ODAD1: variants seen among roughly 807,000 people sequenced by gnomAD.
The protein encoded by ODAD1 is outer dynein arm docking complex subunit 1.
A neutral mutation model predicts 67.2 loss-of-function variants in ODAD1; 49 were observed. The observed-to-expected ratio is 0.73, with a 90% CI of 0.58 to 0.92. The LOEUF is 0.92. Ranked by LOEUF, ODAD1 falls within the 40% of genes least tolerant of loss-of-function variation. The pLI, the probability that ODAD1 is intolerant of heterozygous loss-of-function variation, is 0.00. For synonymous variants in ODAD1, 345 were observed against 393.7 expected (o/e 0.88, Z 1.46); for missense variants, 897 against 953.7 (o/e 0.94, Z 0.78).
chr19:48,316,989 C>A lies in ODAD1; in HGVS notation c.360+1398G>T, dbSNP rs533251431. 2.2e-3 allele frequency among the ~76,000 whole-genome samples: 341 copies of A among 152,124 alleles called. 2 individuals carry two copies. Among genetic ancestry groups the A allele is most frequent in the South Asian group, 0.01 (49 of 4,822 alleles). On this transcript the variant is annotated intron_variant, in intron 5 of 15. Coordinates refer to ENST00000674294, the MANE Select transcript of ODAD1 (RefSeq NM_001364171.2). ...CTGCACTCCAGCCTGGGTGACAGAG[C>A]GAGACTTTGTCTTGAAAAGAAAAAG...
chr19:48,310,795 G>T (rs1053456974), intron 7 of ODAD1, among the ~76,000 whole-genome samples: 4 of 152,278 alleles, frequency 2.6e-5, no homozygotes, highest in African/African-American at 9.6e-5. Flanking sequence ...TGAAAGTCAA[G>T]ACCGGACGCA....
intron 10 of ODAD1, 136 bp from the exon 11 acceptor site, chr19:48,303,231 A>G (rs1161062977): frequency 2.8e-6 from 2 of 704,560 alleles, no homozygotes; most frequent in Non-Finnish European, 5.1e-6. Context: ...CAAGGCAGAG[A>G]GACGAACAGA....
chr19:48,313,448 C>CAAAA (rs1291428185), intron 5 of ODAD1, among the ~76,000 whole-genome samples: 1,397 of 86,748 alleles, frequency 0.016, 107 homozygotes, highest in African/African-American at 0.045. Context: ...AAAAAAAAAC[C>CAAAA]AAAAAAAAAC....
At chr19:48,317,203 A>G (rs930252400) in intron 5 of ODAD1, among the ~76,000 whole-genome samples, 23 of 149,806 alleles carry the variant, frequency 1.5e-4, no homozygotes, top group African/African-American at 5.3e-4. Context: ...ATCCCACATT[A>G]AAAAATGTAT....
In ODAD1 at chr19:48,304,079, T is replaced by G. The variant is rs761608877; in HGVS notation, c.727A>C (p.Ser243Arg). 1 of 1,614,090 alleles carries G rather than the reference T, an allele frequency of 6.2e-7. No homozygotes were observed. The highest frequency in any genetic ancestry group is 1.7e-5 in the Admixed American group (1 of 60,016). ...TGCAGGACCTGCGCCTCCATCTCGC[T>G]CTGGGCCTCCTCTTTCTCCGCGCGC... is the stretch of plus-strand genomic sequence containing the variant. ...RERAEKEEAQ[S>R]EMEAQVLQRQ... Residue 243 changes from serine to arginine, a missense_variant, in exon 9 of 16, where the codon AGC becomes CGC. Physicochemically the swap from Ser to Arg is moderately radical, Grantham distance 110. Coordinates refer to ENST00000674294, the MANE Select transcript of ODAD1 (RefSeq NM_001364171.2).
chr19:48,307,920 G>A (rs903492198), intron 7 of ODAD1, among the ~76,000 whole-genome samples: 1 of 152,006 alleles, frequency 6.6e-6, no homozygotes, highest in African/African-American at 2.4e-5. Flanking sequence ...CAACCCCAGG[G>A]ATGGGGCAGA....
chr19:48,318,480 C>A lies in ODAD1; in HGVS notation c.267G>T (p.Arg89=). The A allele has an allele frequency of 6.4e-7, 1 of 1,551,682 alleles. No homozygotes were observed. The change falls in exon 5 of 16, where the codon CGG becomes CGT. Residue 89 remains arginine (R), a synonymous_variant. Coordinates refer to ENST00000674294, the MANE Select transcript of ODAD1 (RefSeq NM_001364171.2). ...TCAGCAGGCGGTCCATGTTCTCCAGCCGCTGACTGTCCCGAAGCCGCTTGA... is the reference window on the plus strand; with the variant it reads ...TCAGCAGGCGGTCCATGTTCTCCAGACGCTGACTGTCCCGAAGCCGCTTGA... ...NQVKRLRDSQ[R]LENMDRLLKG... is the part of the protein sequence containing the mutation.
rs1188589278 is a variant in ODAD1 at position 48,320,333 on chromosome 19, G to A, written c.36C>T (p.Ser12=). 2 of 1,289,030 alleles carry A rather than the reference G, an allele frequency of 1.6e-6. No homozygotes were observed. Among genetic ancestry groups the A allele is most frequent in the East Asian group, 1.1e-4 (2 of 18,002 alleles). The allele number at this position is 1,289,030 out of a possible 1,614,324, so 79.8% of individuals were successfully genotyped here. A position where few individuals can be genotyped will look rare whatever the true frequency, so the allele number is the denominator to read the frequency against. The part of the protein sequence containing the change: ...PLGRLAGSAR[S]EEGSEAFLEG... ...CCAGAAATGCCTCGCTTCCCTCCTC[G>A]GAGCGGGCGCTCCCTGCCAAGCGTC... The change falls in exon 3 of 16, where the codon TCC becomes TCT. Residue 12 remains serine, a synonymous_variant. Transcript: ENST00000674294.
intron 10 of ODAD1, 153 bp from the exon 11 acceptor site, chr19:48,303,248 TCA>T: frequency 1.5e-6 from 1 of 667,522 alleles, no homozygotes; most frequent in Non-Finnish European, 2.7e-6. Flanking sequence ...CAGAGAGGAG[TCA>T]CAGAGACAAA....
rs1405439511 is a variant in ODAD1, at chr19:48,297,425, T to C, written c.1675A>G (p.Ser559Gly). The stretch of plus-strand genomic sequence containing the variant: ...GTACTGGAGCCGGCCCTCTGGGTGC[T>C]GGCCAGGTCCACGCTCAGGGTGCCG... ...LDGTLSVDLA[S>G]TQRAGSSTVL... is the part of the protein sequence containing the mutation. The change falls in exon 16 of 16, where the codon AGC (serine) becomes GGC (glycine). Residue 559 changes from serine (S) to glycine (G), a missense_variant. Physicochemically the swap from Ser to Gly is moderately conservative, Grantham distance 56. Transcript: ENST00000674294. 2 of 1,604,510 alleles carry C rather than the reference T, an allele frequency of 1.2e-6. No individual in the cohort carries two copies. Among genetic ancestry groups the C allele is most frequent in the Admixed American group, 1.7e-5 (1 of 59,900 alleles).
chr19:48,308,711 G>A (rs1385137832), intron 7 of ODAD1, among the ~76,000 whole-genome samples: 2 of 150,730 alleles, frequency 1.3e-5, no homozygotes, highest in East Asian at 2.0e-4. Flanking sequence ...GCAGCCACCA[G>A]AACCACAGCT....
At chr19:48,300,653 CCTT>C (rs1968439215) in intron 12 of ODAD1, among the ~76,000 whole-genome samples, 1 of 152,028 alleles carries the variant, frequency 6.6e-6, no homozygotes, top group African/African-American at 2.4e-5. Context: ...ACAAAGAACT[CCTT>C]CAACTCAGTT....
chr19:48,297,095 C>T lies in ODAD1; in HGVS notation c.2005G>A (p.Gly669Arg), dbSNP rs140189114. 6.4e-5 allele frequency: 104 copies of T among 1,613,524 alleles called. No homozygotes were observed. The African/African-American group carries it at 9.2e-4, about 14-fold the overall frequency. Residue 669 changes from glycine (G) to arginine (R), a missense_variant, in exon 16 of 16, where the codon GGA (glycine) becomes AGA (arginine). Gly to Arg is a moderately radical substitution (Grantham distance 125). Coordinates refer to ENST00000674294, the MANE Select transcript of ODAD1 (RefSeq NM_001364171.2). ...CCGCTCGAATCAGACGCTGTGCCTC[C>T]GCTCTCCACACCACCCTCTGTGTTT... ...GENTEGGVES[G>R]GTASDSSGGL...
chr19:48,303,558 G>T, intron 10 of ODAD1, 92 bp downstream of exon 10: 1 of 1,498,084 alleles, frequency 6.7e-7, no homozygotes, highest in Non-Finnish European at 9.2e-7. Context: ...AGATGGAGGA[G>T]TTCCCCAGGG....
chr19:48,302,917 G>A lies in ODAD1; in HGVS notation c.1072-55C>T, dbSNP rs1347242602. Reference sequence around the variant, plus strand: ...GATGGCAGCCTCGGGAGTTGGGGGTGTGGAGCTAGGAAGAAGCAGGAGGCA... The same window carrying A: ...GATGGCAGCCTCGGGAGTTGGGGGTATGGAGCTAGGAAGAAGCAGGAGGCA... On this transcript the variant is annotated intron_variant, in intron 11 of 15. Coordinates refer to ENST00000674294, the MANE Select transcript of ODAD1 (RefSeq NM_001364171.2). The A allele has an allele frequency of 6.2e-6, 10 of 1,611,862 alleles. No individual in the cohort carries two copies. In the East Asian group the frequency reaches 2.2e-4, roughly 36 times the overall value.
rs534677340 is a variant in ODAD1, at chr19:48,319,450, G to T, written c.71-638C>A. On this transcript the variant is annotated intron_variant, in intron 3 of 15. Transcript: ENST00000674294. ...CTTACCCACCTCTCCAGTCTTGCCC[G>T]TATGCTCCCCATCTCCAAAGGCCCA... 1.0e-5 allele frequency: 10 copies of T among 985,198 alleles called. No homozygotes were observed. In the African/African-American group the frequency reaches 1.7e-4, roughly 17 times the overall value. The allele number at this position is 985,198 out of a possible 1,614,324, so 61.0% of individuals were successfully genotyped here.
intron 4 of ODAD1, 23 bp downstream of exon 4, chr19:48,318,690 C>T: frequency 6.5e-7 from 1 of 1,542,284 alleles, no homozygotes; most frequent in Non-Finnish European, 8.8e-7. Context: ...CTCCCCAGCT[C>T]AGGGCCCAGG....
Position 48,303,961 on chromosome 19 carries a change from T to C in ODAD1, c.845A>G (p.Glu282Gly). ...AGCAGCCCCAGCCTCACCCTGCTTT[T>C]CACGCTTCTCCAGGACATCGGGATC... is the stretch of plus-strand genomic sequence containing the variant. ...QPDPDVLEKR[E>G]KQAGEVAEGV... Residue 282 changes from glutamate to glycine, a missense_variant, in exon 9 of 16, where the codon GAA (glutamate) becomes GGA (glycine). Transcript: ENST00000674294. The C allele has an allele frequency of 3.1e-6, 5 of 1,613,872 alleles. No homozygotes were observed. Among genetic ancestry groups the C allele is most frequent in the Non-Finnish European group, 4.2e-6 (5 of 1,179,788 alleles).
chr19:48,313,999 T>A (rs1298625880), intron 5 of ODAD1, among the ~76,000 whole-genome samples: 6 of 152,010 alleles, frequency 3.9e-5, no homozygotes, highest in African/African-American at 9.7e-5. Context: ...TCCCAACACT[T>A]TCGGAGGCTG....
Sources: allele counts gnomAD v4.1 joint callset (sites outside exome capture counted in the v4.1 genomes callset), GRCh38; gene constraint gnomAD v4.1.1; transcripts MANE v1.5; gene names NCBI Gene and HGNC (gene_info 2026-07-23, HGNC 2026-07-21).